Variants in ANK3 observed in about 807,000 individuals in gnomAD.
ANK3 encodes ankyrin 3.
ANK3 carries 57 observed loss-of-function variants against 370.9 expected under a neutral mutation model. The observed-to-expected ratio is 0.15, with a 90% CI of 0.12 to 0.19. ANK3 has a LOEUF of 0.19. Ranked by LOEUF, ANK3 falls within the 10% of genes least tolerant of loss-of-function variation. The pLI, the probability that ANK3 is intolerant of heterozygous loss-of-function variation, is 1.00. For synonymous variants in ANK3, 1,929 were observed against 1,946.3 expected, an observed-to-expected ratio of 0.99 and a Z score of 0.23; for missense variants, 4,439 against 5,302.1, an observed-to-expected ratio of 0.84 and a Z score of 5.06.
At chr10:60,439,973 C>A (rs1248145761) in intron 2 of ANK3, among the ~76,000 whole-genome samples, 1 of 152,172 alleles carries the variant, frequency 6.6e-6, no homozygotes, top group African/African-American at 2.4e-5. Flanking sequence ...ATACATTCTG[C>A]ACTCTGAGTT....
chr10:60,053,961 C>T (rs1358324372), intron 42 of ANK3, among the ~76,000 whole-genome samples: 1 of 152,196 alleles, frequency 6.6e-6, no homozygotes, highest in African/African-American at 2.4e-5. Context: ...GAGGCACAAA[C>T]TCATTTACAA....
upstream of ANK3, among the ~76,000 whole-genome samples, chr10:60,393,659 C>A (rs1372073244): frequency 6.6e-6 from 1 of 152,114 alleles, no homozygotes; most frequent in Non-Finnish European, 1.5e-5. Context: ...TCACATACAC[C>A]TTTCCAGGAT....
At chr10:60,091,199 C>G (rs1377746501) in intron 28 of ANK3, among the ~76,000 whole-genome samples, 1 of 152,242 alleles carries the variant, frequency 6.6e-6, no homozygotes, top group African/African-American at 2.4e-5. Context: ...AGCCACAGCA[C>G]CCGGCAGCAT....
At chr10:60,398,582 T>C (rs749718672) in intron 2 of ANK3, among the ~76,000 whole-genome samples, 2 of 152,200 alleles carry the variant, frequency 1.3e-5, no homozygotes, top group Non-Finnish European at 2.9e-5. Flanking sequence ...ATTTCAGTGA[T>C]GGAAAAACGT....
chr10:60,147,906 G>A (rs774947448), intron 23 of ANK3, among the ~76,000 whole-genome samples: 1 of 152,160 alleles, frequency 6.6e-6, no homozygotes, highest in Non-Finnish European at 1.5e-5. Flanking sequence ...TGTGAGAATG[G>A]ACTAATACAA....
At chr10:60,389,390 C>A (rs369342550) in intron 1 of ANK3, 35 bp downstream of exon 1, 50 of 1,592,162 alleles carry the variant, frequency 3.1e-5, no homozygotes, top group Non-Finnish European at 3.9e-5. Flanking sequence ...CAAAAAGAAT[C>A]CAGGCAAGAT....
chr10:60,402,243 G>C (rs1008658218), intron 2 of ANK3, among the ~76,000 whole-genome samples: 1 of 152,102 alleles, frequency 6.6e-6, no homozygotes. Context: ...ATACTGGTTT[G>C]GGGTTGTGTG....
chr10:60,064,251 G>T lies in ANK3; in HGVS notation c.12357C>A (p.Ile4119=). Residue 4119 remains isoleucine, a synonymous_variant, in exon 39 of 44, where the codon ATC becomes ATA. Transcript: ENST00000280772. ...TTGGATTTTCCACACGTATTTGATT[G>T]ATTTCATCCACTGAAAAATTCAGTT... is the stretch of plus-strand genomic sequence containing the variant. ...ARELNFSVDE[I]NQIRVENPNS... is the part of the protein sequence containing the mutation. The T allele has an allele frequency of 6.3e-7, 1 of 1,578,760 alleles. No individual in the cohort carries two copies. Among genetic ancestry groups the T allele is most frequent in the Non-Finnish European group, 8.6e-7 (1 of 1,169,414 alleles).
At chr10:60,124,873 T>C (rs1301828665) in intron 25 of ANK3, among the ~76,000 whole-genome samples, 1 of 152,196 alleles carries the variant, frequency 6.6e-6, no homozygotes, top group African/African-American at 2.4e-5. Context: ...TGTAAAGTGG[T>C]AATCATAATA....
intron 27 of ANK3, 53 bp downstream of exon 27, chr10:60,108,777 A>G (rs2092441518): frequency 2.7e-6 from 4 of 1,493,154 alleles, no homozygotes; most frequent in Admixed American, 1.7e-5. Flanking sequence ...AAGGGTAAAG[A>G]AAATCAAAGA....
intron 2 of ANK3, among the ~76,000 whole-genome samples, chr10:60,544,675 T>C (rs2076921902): frequency 6.6e-6 from 1 of 152,058 alleles, no homozygotes; most frequent in African/African-American, 2.4e-5. Flanking sequence ...CATACAGATA[T>C]CAAAATAATG....
intron 42 of ANK3, among the ~76,000 whole-genome samples, chr10:60,049,460 G>A (rs1328434540): frequency 2.0e-5 from 3 of 152,182 alleles, no homozygotes; most frequent in Admixed American, 6.5e-5. Context: ...GGTGTCGCAC[G>A]CCTGTAGTCT....
chr10:60,029,128 T>A lies in ANK3; in HGVS notation c.*718A>T, dbSNP rs966433077. The A allele has an allele frequency of 1.4e-4, 21 of 152,542 alleles. No homozygotes were observed. In the South Asian group the frequency reaches 2.7e-3, roughly 20 times the overall value. The allele number at this position is 152,542 out of a possible 1,614,324, so 9.4% of individuals were successfully genotyped here. A position where few individuals can be genotyped will look rare whatever the true frequency, so the allele number is the denominator to read the frequency against. Reference sequence around the variant, plus strand: ...CAGATTTTAAAGATTTGTTTTTTTTTAAAATCAAGCTAGCAGTTTTGCATA... The same window carrying A: ...CAGATTTTAAAGATTTGTTTTTTTTAAAAATCAAGCTAGCAGTTTTGCATA... On this transcript the variant is annotated 3_prime_UTR_variant, in exon 44 of 44. Transcript: ENST00000280772.
chr10:60,138,394 C>T, intron 24 of ANK3: 1 of 300,414 alleles, frequency 3.3e-6, no homozygotes, highest in East Asian at 5.3e-5. Context: ...TGTCACCATT[C>T]CTGTCTGTGA....
chr10:60,390,729 A>AACACACACACACAC (rs572520321), upstream of ANK3, among the ~76,000 whole-genome samples: 1 of 107,014 alleles, frequency 9.3e-6, no homozygotes, highest in African/African-American at 3.5e-5. Context: ...TAAAAAAAAG[A>AACACACACACACAC]ACACACACAC....
intron 1 of ANK3, among the ~76,000 whole-genome samples, chr10:60,699,948 G>C (rs555104479): frequency 2.0e-5 from 3 of 152,224 alleles, no homozygotes; most frequent in South Asian, 4.1e-4. Context: ...GAGGCAAATA[G>C]TTTTTCAAAA....
At chr10:60,640,384 C>T (rs917601228) in intron 1 of ANK3, among the ~76,000 whole-genome samples, 2 of 147,274 alleles carry the variant, frequency 1.4e-5, no homozygotes, top group Non-Finnish European at 3.0e-5. Context: ...ATGCAAAAAT[C>T]CTCAATAAAA....
chr10:60,613,889 C>A (rs545590584), intron 2 of ANK3, among the ~76,000 whole-genome samples: 4 of 152,292 alleles, frequency 2.6e-5, no homozygotes, highest in African/African-American at 4.8e-5. Context: ...GCCTGGCCAA[C>A]CTGGCGAAAC....
At chr10:60,484,158 A>G (rs12764533) in intron 2 of ANK3, among the ~76,000 whole-genome samples, 69,837 of 151,990 alleles carry the variant, frequency 0.46, 16,554 homozygotes, top group Middle Eastern at 0.56. Context: ...GCCATTCAAC[A>G]GAGATCTAAG....
Sources: gnomAD v4.1 joint callset for allele counts (sites outside exome capture counted in the v4.1 genomes callset) on GRCh38, gnomAD v4.1.1 for gene constraint, MANE v1.5 for transcripts, NCBI Gene and HGNC (gene_info 2026-07-23, HGNC 2026-07-21) for gene names.